Variants in VRK2 observed in about 807,000 individuals in gnomAD.
The protein encoded by VRK2 is serine/threonine-protein kinase VRK2.
Under a neutral mutation model 57.6 loss-of-function variants are expected in VRK2, and 60 were observed. The observed-to-expected ratio is 1.04, with a 90% CI of 0.85 to 1.29. The LOEUF (loss-of-function observed/expected upper bound fraction) is 1.29, where lower values mean the gene tolerates loss of function less well. Ranked by LOEUF, VRK2 falls within the 50% of genes most tolerant of loss-of-function variation. The probability of loss-of-function intolerance (pLI) is 0.00; values close to 1 mark genes in which losing one functional copy is unlikely to be tolerated. For missense variants in VRK2, 705 were observed against 588.1 expected, an observed-to-expected ratio of 1.20 and a Z score of -2.06; for synonymous variants, 231 against 199.2, an observed-to-expected ratio of 1.16 and a Z score of -1.35.
intron 7 of VRK2, among the ~76,000 whole-genome samples, chr2:58,121,871 A>C (rs1677565274): frequency 6.6e-6 from 1 of 152,214 alleles, no homozygotes; most frequent in African/African-American, 2.4e-5. Flanking sequence ...GTTGGGAACT[A>C]CTATTTTCTG....
chr2:57,965,691 T>C (rs1489157841), intron 1 of VRK2, among the ~76,000 whole-genome samples: 3 of 152,166 alleles, frequency 2.0e-5, no homozygotes, highest in Non-Finnish European at 4.4e-5. Context: ...TGACCTTTAT[T>C]AGACTAACTT....
intron 12 of VRK2, among the ~76,000 whole-genome samples, chr2:58,149,976 T>C (rs1305212193): frequency 2.0e-5 from 3 of 147,228 alleles, no homozygotes; most frequent in Non-Finnish European, 4.5e-5. Flanking sequence ...GATACTGGTC[T>C]GTAATTTTCT....
At chr2:58,097,327 A>G (rs1446687184) in intron 7 of VRK2, among the ~76,000 whole-genome samples, 1 of 151,458 alleles carries the variant, frequency 6.6e-6, no homozygotes, top group Non-Finnish European at 1.5e-5. Flanking sequence ...AATAAAAATT[A>G]TTGCTGTTAT....
At chr2:57,913,810 A>G (rs1462595531) in intron 1 of VRK2, among the ~76,000 whole-genome samples, 1 of 152,162 alleles carries the variant, frequency 6.6e-6, no homozygotes, top group African/African-American at 2.4e-5. Context: ...TAGCATTTAA[A>G]AAAATACTGT....
At chr2:58,046,576 G>A (rs923364782), upstream of VRK2, 1 of 985,548 alleles carries the variant, frequency 1.0e-6, no homozygotes, top group Admixed American at 6.1e-5. Context: ...CCAGGGTGGA[G>A]GTAGTAACAC....
intron 12 of VRK2, among the ~76,000 whole-genome samples, chr2:58,148,428 C>A (rs1021318973): frequency 8.6e-5 from 13 of 151,718 alleles, no homozygotes; most frequent in African/African-American, 3.1e-4. Flanking sequence ...TTATGGATAT[C>A]CTCTCCTAGC....
At chr2:58,032,571 C>T (rs1674149941) in intron 2 of VRK2, among the ~76,000 whole-genome samples, 1 of 151,732 alleles carries the variant, frequency 6.6e-6, no homozygotes, top group Non-Finnish European at 1.5e-5. Flanking sequence ...ACGCAGTTCT[C>T]CATCCTTTCT....
At chr2:57,988,514 A>G (rs1356735480) in intron 1 of VRK2, among the ~76,000 whole-genome samples, 1 of 152,238 alleles carries the variant, frequency 6.6e-6, no homozygotes. Context: ...CTAAGCATGA[A>G]AGATCCACCC....
chr2:58,138,277 G>A (rs1198728592), intron 10 of VRK2, among the ~76,000 whole-genome samples: 3 of 152,154 alleles, frequency 2.0e-5, no homozygotes, highest in African/African-American at 7.2e-5. Context: ...CCGAGCCCTT[G>A]TGAAGGGGCT....
chr2:58,013,708 A>G (rs1268406353), intron 1 of VRK2, among the ~76,000 whole-genome samples: 2 of 151,706 alleles, frequency 1.3e-5, no homozygotes, highest in Non-Finnish European at 2.9e-5. Flanking sequence ...AAATACAAAA[A>G]ATTAGCCGGG....
chr2:58,093,271 G>A (rs959085127), intron 7 of VRK2, among the ~76,000 whole-genome samples: 3 of 152,164 alleles, frequency 2.0e-5, no homozygotes, highest in Non-Finnish European at 4.4e-5. Flanking sequence ...CTAGTTTACA[G>A]TCCCACCAAC....
intron 1 of VRK2, among the ~76,000 whole-genome samples, chr2:58,010,105 T>C (rs1673375513): frequency 6.6e-6 from 1 of 152,144 alleles, no homozygotes; most frequent in African/African-American, 2.4e-5. Flanking sequence ...ACTACCTGGC[T>C]CCTTTACAAT....
intron 1 of VRK2, among the ~76,000 whole-genome samples, chr2:58,007,693 G>C (rs1052144645): frequency 3.9e-5 from 6 of 151,920 alleles, no homozygotes; most frequent in African/African-American, 1.5e-4. Context: ...TTAAGTTCTG[G>C]GGAAGTCAAA....
chr2:58,003,394 C>T (rs563140790), intron 1 of VRK2, among the ~76,000 whole-genome samples: 1 of 152,084 alleles, frequency 6.6e-6, no homozygotes, highest in South Asian at 2.1e-4. Context: ...CTGGCTTTAG[C>T]ACCACCGGGA....
chr2:57,964,850 A>AGCCTG (rs921830110), intron 1 of VRK2, among the ~76,000 whole-genome samples: 1 of 126,956 alleles, frequency 7.9e-6, no homozygotes, highest in Admixed American at 9.9e-5. Flanking sequence ...ACTGCACTCC[A>AGCCTG]GCCTGGGTGA....
At chr2:58,079,654 G>A (rs1026074645) in intron 2 of VRK2, among the ~76,000 whole-genome samples, 1 of 151,936 alleles carries the variant, frequency 6.6e-6, no homozygotes, top group African/African-American at 2.4e-5. Context: ...AAGCAGTCAT[G>A]ATTACTTTCA....
At chr2:58,034,857 A>C (rs1674226688) in intron 3 of VRK2, among the ~76,000 whole-genome samples, 1 of 151,952 alleles carries the variant, frequency 6.6e-6, no homozygotes, top group Admixed American at 6.6e-5. Flanking sequence ...GTACTATTCT[A>C]AACGCTTGGT....
At chr2:58,063,678 G>A (rs1408583335) in intron 2 of VRK2, among the ~76,000 whole-genome samples, 1 of 152,044 alleles carries the variant, frequency 6.6e-6, no homozygotes, top group Non-Finnish European at 1.5e-5. Context: ...TGCTAACATA[G>A]TGTCCCTTCT....
At chr2:58,019,857 T>C (rs1255174574) in intron 1 of VRK2, among the ~76,000 whole-genome samples, 1 of 152,112 alleles carries the variant, frequency 6.6e-6, no homozygotes, top group Non-Finnish European at 1.5e-5. Flanking sequence ...AACTATAAAC[T>C]TTCAACTTTT....
Sources: gnomAD v4.1 joint callset for allele counts (sites outside exome capture counted in the v4.1 genomes callset) on GRCh38, gnomAD v4.1.1 for gene constraint, MANE v1.5 for transcripts, NCBI Gene and HGNC (gene_info 2026-07-23, HGNC 2026-07-21) for gene names.